SGCZ: variants seen among roughly 807,000 people sequenced by gnomAD.
SGCZ encodes the protein sarcoglycan zeta, also known as zeta-sarcoglycan.
SGCZ carries 40 observed loss-of-function variants against 41.3 expected under a neutral mutation model. That is an observed-to-expected ratio of 0.97 (90% CI 0.75 to 1.26). SGCZ has a LOEUF of 1.26. SGCZ is among the 50% of genes most tolerant of loss of function. SGCZ has a pLI of 0.00. For missense variants in SGCZ, 552 were observed against 369.8 expected, an observed-to-expected ratio of 1.49 and a Z score of -4.04; for synonymous variants, 206 against 137.5, an observed-to-expected ratio of 1.50 and a Z score of -3.49.
intron 3 of SGCZ, chr8:14,309,361 A>G (rs1801451821): frequency 3.7e-6 from 6 of 1,604,162 alleles, no homozygotes; most frequent in African/African-American, 1.3e-5. Flanking sequence ...GACGATGGCT[A>G]ATTACATTGA....
At position 15,237,816 on chromosome 8, in the gene SGCZ, T is replaced by G. The variant is rs968494609; in HGVS notation, c.-193A>C. On this transcript the variant is annotated 5_prime_UTR_variant, in exon 1 of 8. Coordinates refer to ENST00000382080, the MANE Select transcript of SGCZ (RefSeq NM_139167.4). The stretch of plus-strand genomic sequence containing the variant: ...AAAATAAATAAATAATAATGATAAT[T>G]CACTTTATTTTACTTCCTCAAAGAT... 3.5e-6 allele frequency: 2 copies of G among 567,572 alleles called. No homozygotes were observed. The highest frequency in any genetic ancestry group is 5.8e-5 in the Admixed American group (2 of 34,546). 35.2% of individuals were successfully genotyped at this position (567,572 alleles called of 1,614,324 possible).
At position 15,095,258 on chromosome 8, in the gene SGCZ, C is replaced by T. The variant is rs372045038; in HGVS notation, c.39+142327G>A. On this transcript the variant is annotated intron_variant, in intron 1 of 7. Transcript: ENST00000382080. ...GGATTACAGTCATGTGCCATCACCC[C>T]TAGCTAATTTTTGTATTTTTAGTAG... Among the ~76,000 whole-genome samples the T allele has an allele frequency of 1.9e-3, 291 of 152,208 alleles. 1 individual carries two copies. Among genetic ancestry groups the T allele is most frequent in the African/African-American group, 6.6e-3 (273 of 41,534 alleles).
At chr8:14,629,056 G>T (rs960454290) in intron 1 of SGCZ, among the ~76,000 whole-genome samples, 5 of 152,078 alleles carry the variant, frequency 3.3e-5, no homozygotes, top group African/African-American at 9.7e-5. Flanking sequence ...GAAGGAAAAA[G>T]AATTTGACCA....
intron 2 of SGCZ, among the ~76,000 whole-genome samples, chr8:14,418,471 T>C (rs1054302746): frequency 2.6e-5 from 4 of 151,884 alleles, no homozygotes; most frequent in African/African-American, 7.2e-5. Context: ...GTCAGGAAGA[T>C]TACACATTTC....
At chr8:14,217,982 A>G (rs1806059885) in intron 4 of SGCZ, among the ~76,000 whole-genome samples, 1 of 152,082 alleles carries the variant, frequency 6.6e-6, no homozygotes, top group African/African-American at 2.4e-5. Flanking sequence ...AGTGTTCTCA[A>G]TCTGGTAACA....
At chr8:14,498,985 A>G (rs1259737697) in intron 2 of SGCZ, among the ~76,000 whole-genome samples, 1 of 151,930 alleles carries the variant, frequency 6.6e-6, no homozygotes, top group East Asian at 1.9e-4. Context: ...TATGCTAGAA[A>G]ATACATGTAT....
chr8:14,272,768 G>C (rs1800104517), intron 3 of SGCZ, among the ~76,000 whole-genome samples: 2 of 152,118 alleles, frequency 1.3e-5, no homozygotes, highest in Admixed American at 6.5e-5. Context: ...TGAACAGCTT[G>C]TTATAACCTC....
At chr8:15,014,616 G>A (rs944441939) in intron 1 of SGCZ, among the ~76,000 whole-genome samples, 2 of 152,136 alleles carry the variant, frequency 1.3e-5, no homozygotes, top group Non-Finnish European at 2.9e-5. Flanking sequence ...GGTATCCATA[G>A]CATTTGGCTA....
intron 5 of SGCZ, among the ~76,000 whole-genome samples, chr8:14,139,688 C>G (rs7001172): frequency 0.11 from 16,782 of 151,646 alleles, 1,034 homozygotes; most frequent in Middle Eastern, 0.21. Context: ...GAAATTGAGG[C>G]AATAATAGCC....
chr8:14,440,248 C>A (rs1484991097), intron 2 of SGCZ, among the ~76,000 whole-genome samples: 1 of 151,910 alleles, frequency 6.6e-6, no homozygotes, highest in East Asian at 1.9e-4. Context: ...TATAAAAGAG[C>A]TCTATTTGAC....
chr8:14,669,667 G>A (rs1006869494), intron 1 of SGCZ, among the ~76,000 whole-genome samples: 1 of 149,044 alleles, frequency 6.7e-6, no homozygotes, highest in African/African-American at 2.5e-5. Context: ...TCTGTCTTAT[G>A]GCTGAATAAT....
At chr8:15,188,638 G>A (rs1392646130) in intron 1 of SGCZ, among the ~76,000 whole-genome samples, 1 of 152,054 alleles carries the variant, frequency 6.6e-6, no homozygotes, top group Non-Finnish European at 1.5e-5. Context: ...AAACGGATAA[G>A]GATCATTTGT....
At chr8:15,199,683 A>T (rs1232641528) in intron 1 of SGCZ, among the ~76,000 whole-genome samples, 1 of 152,210 alleles carries the variant, frequency 6.6e-6, no homozygotes, top group Non-Finnish European at 1.5e-5. Flanking sequence ...AACACCTGTC[A>T]ATAATATCAA....
At position 14,305,432 on chromosome 8, in the gene SGCZ, GTCT is replaced by G. The variant is rs1189364615; in HGVS notation, c.336+18668_336+18670del. 1.6e-4 allele frequency among the ~76,000 whole-genome samples: 24 copies of G among 152,104 alleles called. 1 individual carries two copies. Among genetic ancestry groups the G allele is most frequent in the African/African-American group, 4.8e-5 (2 of 41,440 alleles). ...AAAAATCTCAATGAGGTTTCATGAG[GTCT>G]ATATCTTCAAAAGCCATTCAAAATT... On this transcript the variant is annotated intron_variant, in intron 3 of 7. Transcript: ENST00000382080.
intron 1 of SGCZ, among the ~76,000 whole-genome samples, chr8:14,583,941 T>G (rs932002135): frequency 6.6e-6 from 1 of 152,182 alleles, no homozygotes; most frequent in Non-Finnish European, 1.5e-5. Context: ...CCTTAAATTA[T>G]TTTTGTAACA....
chr8:14,955,640 T>C (rs1356040601), intron 1 of SGCZ, among the ~76,000 whole-genome samples: 1 of 152,260 alleles, frequency 6.6e-6, no homozygotes, highest in Non-Finnish European at 1.5e-5. Flanking sequence ...TCCTAGTTAC[T>C]AAAAAGGTTG....
Position 14,256,569 on chromosome 8 carries a change from C to G in SGCZ, c.337-18890G>C, listed in dbSNP as rs1446992640. On this transcript the variant is annotated intron_variant, in intron 3 of 7. Coordinates refer to ENST00000382080, the MANE Select transcript of SGCZ (RefSeq NM_139167.4). The stretch of plus-strand genomic sequence containing the variant: ...GTTCAGTTGGAATTACTCTCTCTTT[C>G]TCCTCCCTGAAGGTTTAAACCCTTA... 3.3e-5 allele frequency among the ~76,000 whole-genome samples: 5 copies of G among 151,744 alleles called. 1 individual carries two copies. Among genetic ancestry groups the G allele is most frequent in the Non-Finnish European group, 7.4e-5 (5 of 67,922 alleles).
At chr8:14,141,194 T>C (rs576304224) in intron 5 of SGCZ, among the ~76,000 whole-genome samples, 3 of 152,148 alleles carry the variant, frequency 2.0e-5, no homozygotes, top group South Asian at 4.1e-4. Flanking sequence ...AAGATTCAAA[T>C]GTTAGACCTA....
At chr8:15,027,284 T>C (rs897085980) in intron 1 of SGCZ, among the ~76,000 whole-genome samples, 5 of 152,182 alleles carry the variant, frequency 3.3e-5, no homozygotes, top group African/African-American at 1.2e-4. Context: ...GAAAACATTG[T>C]TTTGCTATGG....
Sources: gnomAD v4.1 joint callset for allele counts (sites outside exome capture counted in the v4.1 genomes callset) on GRCh38, gnomAD v4.1.1 for gene constraint, MANE v1.5 for transcripts, NCBI Gene and HGNC (gene_info 2026-07-23, HGNC 2026-07-21) for gene names.